Variants in MAGI2 observed in about 807,000 individuals in gnomAD.
The protein encoded by MAGI2 is membrane-associated guanylate kinase, WW and PDZ domain-containing protein 2.
MAGI2 carries 35 observed loss-of-function variants against 133.3 expected under a neutral mutation model. That is an observed-to-expected ratio of 0.26 (90% CI 0.20 to 0.35). MAGI2 has a LOEUF of 0.35. Among genes scored for constraint, MAGI2 ranks in the 10% least tolerant of loss-of-function variants. The probability of loss-of-function intolerance (pLI) is 1.00; values close to 1 mark genes in which losing one functional copy is unlikely to be tolerated. For synonymous variants in MAGI2, 729 were observed against 710.6 expected (o/e 1.03, Z -0.41); for missense variants, 1,636 against 1,863.4 (o/e 0.88, Z 2.25).
At chr7:79,287,164 A>G (rs1836074595) in intron 1 of MAGI2, among the ~76,000 whole-genome samples, 1 of 152,058 alleles carries the variant, frequency 6.6e-6, no homozygotes, top group Admixed American at 6.6e-5. Context: ...AAAATATGCA[A>G]TCTCAGACCT....
At chr7:78,814,656 T>C (rs1210403761) in intron 2 of MAGI2, among the ~76,000 whole-genome samples, 1 of 152,216 alleles carries the variant, frequency 6.6e-6, no homozygotes, top group African/African-American at 2.4e-5. Flanking sequence ...AACTTAAGGA[T>C]GCTTTTAACC....
intron 9 of MAGI2, among the ~76,000 whole-genome samples, chr7:78,312,307 T>C (rs935239356): frequency 6.6e-6 from 1 of 152,160 alleles, no homozygotes; most frequent in African/African-American, 2.4e-5. Flanking sequence ...GAAATTTACA[T>C]ATTTTAAGAA....
intron 2 of MAGI2, among the ~76,000 whole-genome samples, chr7:78,683,602 T>C (rs1815935620): frequency 1.3e-5 from 2 of 152,214 alleles, no homozygotes; most frequent in South Asian, 4.1e-4. Context: ...TTCTACATCC[T>C]GAAATCTTCA....
intron 20 of MAGI2, among the ~76,000 whole-genome samples, chr7:78,084,464 G>C (rs187494403): frequency 6.9e-6 from 1 of 145,168 alleles, no homozygotes; most frequent in Non-Finnish European, 1.5e-5. Context: ...GATAGTAAAC[G>C]TCTTCATTTG....
intron 10 of MAGI2, among the ~76,000 whole-genome samples, chr7:78,223,635 A>G (rs1789055171): frequency 6.6e-6 from 1 of 152,252 alleles, no homozygotes; most frequent in African/African-American, 2.4e-5. Flanking sequence ...AAAAATGTTG[A>G]TAAGGACTTA....
intron 2 of MAGI2, among the ~76,000 whole-genome samples, chr7:78,699,457 G>T (rs981324315): frequency 6.6e-6 from 1 of 152,062 alleles, no homozygotes; most frequent in Non-Finnish European, 1.5e-5. Context: ...TTACCTTCAG[G>T]CTATGTATGT....
At chr7:78,960,686 A>G (rs1380747099) in intron 2 of MAGI2, among the ~76,000 whole-genome samples, 2 of 152,182 alleles carry the variant, frequency 1.3e-5, no homozygotes, top group African/African-American at 4.8e-5. Context: ...GTATATTATC[A>G]GTCTTTTACA....
chr7:79,260,997 A>G (rs918664002), intron 1 of MAGI2, among the ~76,000 whole-genome samples: 38 of 152,210 alleles, frequency 2.5e-4, no homozygotes, highest in African/African-American at 8.9e-4. Flanking sequence ...CTTATATTCT[A>G]CACTGGAAAA....
intron 20 of MAGI2, among the ~76,000 whole-genome samples, chr7:78,104,511 C>A (rs913242637): frequency 6.6e-6 from 1 of 151,850 alleles, no homozygotes. Flanking sequence ...CATGAGCCAC[C>A]GCGCCCAGCC....
In MAGI2 at chr7:79,016,004, G is replaced by GA. The variant is rs1371684954; in HGVS notation, c.302-8799_302-8798insT. Reference sequence around the variant, plus strand: ...TCAATGACTCCTGGAGAAGCGGGGGGGGGGGGTGGGGGTTGAGCAGGCAAG... The same window carrying GA: ...TCAATGACTCCTGGAGAAGCGGGGGGAGGGGGGTGGGGGTTGAGCAGGCAAG... On this transcript the variant is annotated intron_variant, in intron 1 of 21. Transcript: ENST00000354212. Among the ~76,000 whole-genome samples the GA allele has an allele frequency of 5.3e-5, 6 of 113,980 alleles. No homozygotes were observed. The East Asian group carries it at 8.7e-4, about 16-fold the overall frequency. The allele number at this position is 113,980 out of a possible 152,430, so 74.8% of individuals were successfully genotyped here.
intron 21 of MAGI2, among the ~76,000 whole-genome samples, chr7:78,040,441 C>A (rs981317598): frequency 1.3e-5 from 2 of 152,220 alleles, no homozygotes; most frequent in African/African-American, 4.8e-5. Flanking sequence ...GCGTTCTCTA[C>A]CCTGCCCGGC....
At chr7:78,928,120 T>C (rs1799851625) in intron 2 of MAGI2, among the ~76,000 whole-genome samples, 1 of 151,956 alleles carries the variant, frequency 6.6e-6, no homozygotes, top group Admixed American at 6.6e-5. Context: ...TTATTAATAA[T>C]ATATAGCATA....
At chr7:78,963,010 T>G (rs890961809) in intron 2 of MAGI2, among the ~76,000 whole-genome samples, 1 of 152,274 alleles carries the variant, frequency 6.6e-6, no homozygotes, top group East Asian at 1.9e-4. Context: ...TAAGTATTTT[T>G]GGGCATAGAA....
chr7:78,903,994 A>G (rs1797817585), intron 2 of MAGI2: 1 of 152,186 alleles, frequency 6.6e-6, no homozygotes, highest in Non-Finnish European at 1.5e-5. Context: ...TTCTTGTCTT[A>G]TTTTTAACTA....
intron 2 of MAGI2, among the ~76,000 whole-genome samples, chr7:78,693,667 A>G (rs1341282928): frequency 2.0e-5 from 3 of 152,086 alleles, no homozygotes; most frequent in Admixed American, 2.0e-4. Flanking sequence ...CTGCCTTTGG[A>G]TTGTTTCCCC....
chr7:79,037,407 C>T (rs1811228437), intron 1 of MAGI2, among the ~76,000 whole-genome samples: 1 of 152,038 alleles, frequency 6.6e-6, no homozygotes, highest in Non-Finnish European at 1.5e-5. Flanking sequence ...CTATTACAAG[C>T]ACAACCCGAG....
chr7:79,065,293 A>C (rs1040062330), intron 1 of MAGI2, among the ~76,000 whole-genome samples: 7 of 152,262 alleles, frequency 4.6e-5, no homozygotes, highest in Admixed American at 3.3e-4. Flanking sequence ...ATATATAAAA[A>C]ACTTAATTGT....
At chr7:78,786,806 G>C (rs1255812745) in intron 2 of MAGI2, among the ~76,000 whole-genome samples, 1 of 151,886 alleles carries the variant, frequency 6.6e-6, no homozygotes, top group Admixed American at 6.6e-5. Flanking sequence ...TTTTTGTTGT[G>C]TGCCACCCCA....
At chr7:78,963,476 C>G (rs578099807) in intron 2 of MAGI2, among the ~76,000 whole-genome samples, 1 of 152,086 alleles carries the variant, frequency 6.6e-6, no homozygotes, top group South Asian at 2.1e-4. Flanking sequence ...AAACATAGCA[C>G]CATTTCTTTC....
Sources: allele counts gnomAD v4.1 joint callset (sites outside exome capture counted in the v4.1 genomes callset), GRCh38; gene constraint gnomAD v4.1.1; transcripts MANE v1.5; gene names NCBI Gene and HGNC (gene_info 2026-07-23, HGNC 2026-07-21).